Variants in SASH1 observed in about 807,000 individuals in gnomAD.
The protein encoded by SASH1 is SAM and SH3 domain containing 1, also known as SAM and SH3 domain-containing protein 1.
Under a neutral mutation model 125.2 loss-of-function variants are expected in SASH1, and 44 were observed. The ratio of observed to expected loss-of-function variants is 0.35; its 90% confidence interval spans 0.28 to 0.45. SASH1 has a LOEUF of 0.45. SASH1 is among the 20% of genes least tolerant of loss of function. The probability of loss-of-function intolerance (pLI) is 1.00; values close to 1 mark genes in which losing one functional copy is unlikely to be tolerated. For synonymous variants in SASH1, 639 were observed against 649.1 expected (o/e 0.98, Z 0.24); for missense variants, 1,426 against 1,614.5 (o/e 0.88, Z 2.00).
In SASH1 at chr6:148,382,543, GC is replaced by G. The variant is rs1783184224; in HGVS notation, c.157-7589del. ...GACCTCAGGTGATCCACCTGCCTTG[GC>G]CTTCCAAAGTGCTGGGATTACAGGC... On this transcript the variant is annotated intron_variant, in intron 1 of 19. Coordinates refer to ENST00000367467, the MANE Select transcript of SASH1 (RefSeq NM_015278.5). 2.0e-5 allele frequency among the ~76,000 whole-genome samples: 3 copies of G among 152,232 alleles called. 1 individual carries two copies. The South Asian group carries it at 6.2e-4, about 32-fold the overall frequency.
intron 1 of SASH1, among the ~76,000 whole-genome samples, chr6:148,349,552 C>T (rs9403945): frequency 0.23 from 34,955 of 152,002 alleles, 4,489 homozygotes; most frequent in African/African-American, 0.35. Flanking sequence ...GCGTGAGCCA[C>T]GACGCCCGCC....
intron 1 of SASH1, among the ~76,000 whole-genome samples, chr6:148,335,332 G>A (rs1781122682): frequency 6.6e-6 from 1 of 151,448 alleles, no homozygotes; most frequent in African/African-American, 2.4e-5. Flanking sequence ...GGGCATGGTA[G>A]GGGTCACCTG....
chr6:148,247,438 C>T, the SASH1 span, among the ~76,000 whole-genome samples: 1 of 152,214 alleles, frequency 6.6e-6, no homozygotes, highest in Non-Finnish European at 1.5e-5. Flanking sequence ...AGACCTGACG[C>T]TGTGATGGCA....
Position 148,283,866 on chromosome 6 carries a change from C to G in SASH1, n.74+11489C>G, listed in dbSNP as rs187634229. Among the ~76,000 whole-genome samples, 6 of 152,040 alleles carry G rather than the reference C, an allele frequency of 3.9e-5. No homozygotes were observed. In the East Asian group the frequency reaches 1.2e-3, roughly 29 times the overall value. ...CTTTCCTCATCTACATCTGGTCTTACAATAGATGGAGCAATACAGGAACAC... is the reference window on the plus strand; with the variant it reads ...CTTTCCTCATCTACATCTGGTCTTAGAATAGATGGAGCAATACAGGAACAC... On this transcript the variant is annotated intron_variant and non_coding_transcript_variant, in intron 1 of 3. Transcript: ENST00000367469.
the SASH1 span, among the ~76,000 whole-genome samples, chr6:148,234,041 A>G: frequency 0.044 from 6,602 of 151,752 alleles, 477 homozygotes; most frequent in African/African-American, 0.15. Flanking sequence ...TTGGGTGGGG[A>G]TAGGGATACA....
chr6:148,488,599 G>T (rs1483220700), intron 8 of SASH1, among the ~76,000 whole-genome samples: 1 of 152,132 alleles, frequency 6.6e-6, no homozygotes, highest in African/African-American at 2.4e-5. Flanking sequence ...TAGCTGTATC[G>T]TTTTACCTTC....
In SASH1 at chr6:148,454,959, C is replaced by T. The variant is rs115489160; in HGVS notation, c.387-13586C>T. Among the ~76,000 whole-genome samples the T allele has an allele frequency of 2.3e-3, 351 of 152,326 alleles. 1 individual carries two copies. The highest frequency in any genetic ancestry group is 8.1e-3 in the African/African-American group (337 of 41,578). On this transcript the variant is annotated intron_variant, in intron 4 of 19. Transcript: ENST00000367467. ...TTTGCCCAAATAAAACCTTACAAGT[C>T]AGGATAATGCTTGAAAAGTATTTGC... is the stretch of plus-strand genomic sequence containing the variant.
chr6:148,439,545 GA>G (rs1462503454), intron 2 of SASH1, among the ~76,000 whole-genome samples: 2 of 152,186 alleles, frequency 1.3e-5, no homozygotes, highest in African/African-American at 4.8e-5. Flanking sequence ...TTGGGAAGCT[GA>G]GGGGGGCGGA....
chr6:148,265,686 A>T, the SASH1 span, among the ~76,000 whole-genome samples: 1 of 152,234 alleles, frequency 6.6e-6, no homozygotes, highest in Non-Finnish European at 1.5e-5. Context: ...TGTCCTGGAT[A>T]GGACTGGCTC....
At chr6:148,346,507 C>CTA (rs1282400921) in intron 1 of SASH1, among the ~76,000 whole-genome samples, 2 of 138,708 alleles carry the variant, frequency 1.4e-5, no homozygotes, top group Admixed American at 1.4e-4. Flanking sequence ...AAAAAATTAA[C>CTA]TAGATTGTGA....
chr6:148,233,072 G>C, the SASH1 span, among the ~76,000 whole-genome samples: 1 of 151,916 alleles, frequency 6.6e-6, no homozygotes, highest in Non-Finnish European at 1.5e-5. Context: ...ACAATTAGCC[G>C]GCGTGGTGGT....
At chr6:148,315,932 G>A (rs1318917534) in intron 1 of SASH1, among the ~76,000 whole-genome samples, 1 of 152,034 alleles carries the variant, frequency 6.6e-6, no homozygotes, top group East Asian at 1.9e-4. Flanking sequence ...TCGAAACTAA[G>A]ACCAGCCTGC....
chr6:148,330,237 A>G (rs1276644398), intron 1 of SASH1, among the ~76,000 whole-genome samples: 3 of 152,238 alleles, frequency 2.0e-5, no homozygotes, highest in Non-Finnish European at 4.4e-5. Flanking sequence ...GCAAGCATAC[A>G]TCAACTCTGG....
At chr6:148,353,260 A>G (rs1377173684) in intron 1 of SASH1, among the ~76,000 whole-genome samples, 1 of 151,416 alleles carries the variant, frequency 6.6e-6, no homozygotes, top group Non-Finnish European at 1.5e-5. Context: ...TTTTTCTAGC[A>G]TTGGAGGGGT....
chr6:148,360,998 G>A (rs1185675853), intron 1 of SASH1, among the ~76,000 whole-genome samples: 1 of 152,152 alleles, frequency 6.6e-6, no homozygotes, highest in Non-Finnish European at 1.5e-5. Flanking sequence ...TCCTTACTGG[G>A]ACACAGACAC....
chr6:148,315,017 CA>C (rs1166070831), intron 1 of SASH1, among the ~76,000 whole-genome samples: 16 of 152,106 alleles, frequency 1.1e-4, no homozygotes, highest in Admixed American at 8.5e-4. Context: ...CTTGGCCTCC[CA>C]AAGTGCTGGG....
At chr6:148,245,988 A>C in the SASH1 span, among the ~76,000 whole-genome samples, 3 of 149,538 alleles carry the variant, frequency 2.0e-5, no homozygotes, top group Admixed American at 6.6e-5. Flanking sequence ...GTCTAAAAAA[A>C]CAAAAAAAAA....
the SASH1 span, among the ~76,000 whole-genome samples, chr6:148,211,910 G>A: frequency 6.6e-6 from 1 of 152,176 alleles, no homozygotes; most frequent in Non-Finnish European, 1.5e-5. Context: ...TCTAGAATAG[G>A]GAAGAGAAGC....
intron 1 of SASH1, among the ~76,000 whole-genome samples, chr6:148,275,908 A>G (rs1020834382): frequency 2.6e-5 from 4 of 152,094 alleles, no homozygotes; most frequent in Admixed American, 6.6e-5. Flanking sequence ...ATTTGTAGAG[A>G]CAGGGTTTCA....
Sources: allele counts gnomAD v4.1 joint callset (sites outside exome capture counted in the v4.1 genomes callset), GRCh38; gene constraint gnomAD v4.1.1; transcripts MANE v1.5; gene names NCBI Gene and HGNC (gene_info 2026-07-23, HGNC 2026-07-21).